The following MEA1 variants were observed in gnomAD, a reference collection of about 807,000 sequenced individuals.
MEA1 encodes the protein Male-enhanced antigen (H-Y structural gene).
MEA1 carries 22 observed loss-of-function variants against 21.4 expected under a neutral mutation model. That is an observed-to-expected ratio of 1.03 (90% confidence interval 0.73 to 1.47). MEA1 has a LOEUF of 1.47. MEA1 is among the 40% of genes most tolerant of loss of function. The probability of loss-of-function intolerance (pLI) is 0.00; values close to 1 mark genes in which losing one functional copy is unlikely to be tolerated. For missense variants in MEA1, 233 were observed against 230.5 expected (o/e 1.01, Z -0.07); for synonymous variants, 91 against 85.5 (o/e 1.06, Z -0.35).
upstream of MEA1, among the ~76,000 whole-genome samples, chr6:43,016,101 A>C (rs1762566335): frequency 6.6e-6 from 1 of 151,520 alleles, no homozygotes; most frequent in African/African-American, 2.4e-5. Context: ...GTGCCCAGCT[A>C]ATTTTTGTAT....
chr6:43,012,233 CTG>C lies in MEA1; in HGVS notation c.*235_*236del. The C allele has an allele frequency of 8.1e-7, 1 of 1,230,568 alleles. No individual in the cohort carries two copies. The allele number at this position is 1,230,568 out of a possible 1,614,324, so 76.2% of individuals were successfully genotyped here. On this transcript the variant is annotated 3_prime_UTR_variant, in exon 4 of 4. Transcript: ENST00000244711. ...GGGGCGCAGGCAGTGCGGCTTTTGG[CTG>C]TGTACATAGGGTGCTTTATTCTCCA...
In MEA1 at chr6:43,013,792, AC is replaced by A; in HGVS notation, c.21del (p.Ser8GlnfsTer10). MGPERH[L>X]SGAPARMATV... Reference sequence around the variant, plus strand: ...TAGAGGACCCCCTCTGTACCGCCTGACAGATGCCTTTCAGGCCCCATGGGCT... The same window carrying A: ...TAGAGGACCCCCTCTGTACCGCCTGAAGATGCCTTTCAGGCCCCATGGGCT... On this transcript the variant is annotated frameshift_variant, in exon 1 of 4. Transcript: ENST00000244711. LOFTEE classifies it high-confidence loss of function. 1 of 1,606,320 alleles carries A rather than the reference AC, an allele frequency of 6.2e-7. No homozygotes were observed. The highest frequency in any genetic ancestry group is 8.5e-7 in the Non-Finnish European group (1 of 1,177,240).
In MEA1 at chr6:43,012,224, G is replaced by A. The variant is rs138349932; in HGVS notation, c.*246C>T. On this transcript the variant is annotated 3_prime_UTR_variant, in exon 4 of 4. Coordinates refer to ENST00000244711, the MANE Select transcript of MEA1 (RefSeq NM_014623.4). The stretch of plus-strand genomic sequence containing the variant: ...CAGGTTCCAGGGGCGCAGGCAGTGC[G>A]GCTTTTGGCTGTGTACATAGGGTGC... 1.0e-5 allele frequency: 12 copies of A among 1,180,768 alleles called. No homozygotes were observed. In the East Asian group the frequency reaches 2.4e-4, roughly 23 times the overall value. 73.1% of individuals were successfully genotyped at this position (1,180,768 alleles called of 1,614,324 possible).
At chr6:43,013,417 G>A (rs1481066522) in intron 1 of MEA1, 28 bp from the exon 2 acceptor site, 2 of 1,605,042 alleles carry the variant, frequency 1.2e-6, no homozygotes, top group Non-Finnish European at 1.7e-6. Flanking sequence ...CGGTAGGACA[G>A]GGATCGGATG....
upstream of MEA1, chr6:43,016,851 C>T (rs989659527): frequency 2.0e-5 from 6 of 296,818 alleles, no homozygotes; most frequent in South Asian, 5.3e-5. Flanking sequence ...GGAGCCTCCA[C>T]GAGTAGGTTG....
rs1165908053 is a variant in MEA1 at position 43,013,844 on chromosome 6, G to A, written c.-31C>T. 1.5e-5 allele frequency: 24 copies of A among 1,560,174 alleles called. No individual in the cohort carries two copies. The highest frequency in any genetic ancestry group is 1.9e-5 in the Admixed American group (1 of 51,914). On this transcript the variant is annotated 5_prime_UTR_variant, in exon 1 of 4. The change creates a new upstream start codon in the 5' untranslated region. Coordinates refer to ENST00000244711, the MANE Select transcript of MEA1 (RefSeq NM_014623.4). Reference sequence around the variant, plus strand: ...CCCCTCAAATGGCCCCAGCTGCAGCGTCCCCCACCCGCCCCCATCCGAATC... The same window carrying A: ...CCCCTCAAATGGCCCCAGCTGCAGCATCCCCCACCCGCCCCCATCCGAATC...
rs767237492 is a variant in MEA1 at position 43,013,854 on chromosome 6, C to A, written c.-41G>T. The A allele has an allele frequency of 3.9e-6, 6 of 1,534,002 alleles. No homozygotes were observed. Among genetic ancestry groups the A allele is most frequent in the East Asian group, 2.4e-5 (1 of 41,762 alleles). ...GGCCCCAGCTGCAGCGTCCCCCACC[C>A]GCCCCCATCCGAATCCCGGCGCCGG... On this transcript the variant is annotated 5_prime_UTR_variant, in exon 1 of 4. Transcript: ENST00000244711.
chr6:43,012,972 C>T lies in MEA1; in HGVS notation c.360G>A (p.Glu120=). Residue 120 remains glutamate (E), a synonymous_variant, in exon 3 of 4, where the codon GAG becomes GAA. Coordinates refer to ENST00000244711, the MANE Select transcript of MEA1 (RefSeq NM_014623.4). ...TGTGGTTGTTCAACGCTGTAGCTCC[C>T]TCCTCATCTTCATCTTCACTCTCTA... ...PPLESEDEDE[E]GATALNNHSS... The T allele has an allele frequency of 6.2e-7, 1 of 1,609,214 alleles. No homozygotes were observed. Among genetic ancestry groups the T allele is most frequent in the Non-Finnish European group, 8.5e-7 (1 of 1,178,038 alleles).
At position 43,013,214 on chromosome 6, in the gene MEA1, G is replaced by A. The variant is rs150737373; in HGVS notation, c.204C>T (p.Tyr68=). The change falls in exon 2 of 4, where the codon TAC becomes TAT. Residue 68 remains tyrosine (Y), a synonymous_variant. Coordinates refer to ENST00000244711, the MANE Select transcript of MEA1 (RefSeq NM_014623.4). ...QEETGSGPAG[Y]SYQPLNQDPE... ...GATCTTGGTTCAGGGGCTGGTAGGA[G>A]TAGCCAGCTGGGCCCGACCCCGTTT... 11 of 1,614,056 alleles carry A rather than the reference G, an allele frequency of 6.8e-6. No homozygotes were observed. Among genetic ancestry groups the A allele is most frequent in the Non-Finnish European group, 9.3e-6 (11 of 1,180,034 alleles).
In MEA1 at chr6:43,013,038, C is replaced by T; in HGVS notation, c.304-10G>A. The T allele has an allele frequency of 6.2e-7, 1 of 1,614,180 alleles. No homozygotes were observed. Among genetic ancestry groups the T allele is most frequent in the Non-Finnish European group, 8.5e-7 (1 of 1,180,012 alleles). ...AATGAAGCCCCAGGGCCTGCAGAGC[C>T]ACAGAAGACCGTTTGGGTCTAGGCT... On this transcript the variant is annotated splice_polypyrimidine_tract_variant and intron_variant, in intron 2 of 3. Transcript: ENST00000244711.
upstream of MEA1, chr6:43,014,675 A>C (rs1226656995): frequency 2.2e-6 from 1 of 455,264 alleles, no homozygotes; most frequent in African/African-American, 2.0e-5. Context: ...GTCTGGAAGA[A>C]GACAGGGATA....
At chr6:43,015,908 C>T (rs1450005381), upstream of MEA1, among the ~76,000 whole-genome samples, 2 of 150,126 alleles carry the variant, frequency 1.3e-5, no homozygotes, top group Non-Finnish European at 3.0e-5. Flanking sequence ...TTTCTCTTGT[C>T]CTGCCCAAGG....
chr6:43,014,603 G>C (rs1046986250), upstream of MEA1: 1 of 457,600 alleles, frequency 2.2e-6, no homozygotes. Context: ...ATGAAAACAG[G>C]GAAGCTGAGC....
chr6:43,015,881 A>C (rs1433672747), upstream of MEA1, among the ~76,000 whole-genome samples: 2 of 145,624 alleles, frequency 1.4e-5, no homozygotes, highest in Non-Finnish European at 3.0e-5. Flanking sequence ...AAAGACCATG[A>C]CTTCTCATGC....
Position 43,011,289 on chromosome 6 carries a change from C to A in MEA1, c.*1181G>T. On this transcript the variant is annotated 3_prime_UTR_variant, in exon 4 of 4. Transcript: ENST00000244711. Reference sequence around the variant, plus strand: ...CTGCCAGCCAGGAGGCTCTCTGACCCCTCACGTTCCTACCACAGGGCCACA... The same window carrying A: ...CTGCCAGCCAGGAGGCTCTCTGACCACTCACGTTCCTACCACAGGGCCACA... 1 of 1,613,670 alleles carries A rather than the reference C, an allele frequency of 6.2e-7. No homozygotes were observed. Among genetic ancestry groups the A allele is most frequent in the Non-Finnish European group, 8.5e-7 (1 of 1,179,968 alleles).
intron 2 of MEA1, 26 bp downstream of exon 2, chr6:43,013,089 C>A (rs1762431478): frequency 6.2e-7 from 1 of 1,614,094 alleles, no homozygotes; most frequent in Non-Finnish European, 8.5e-7. Flanking sequence ...TTCACCTGTT[C>A]AGGAACCATC....
At position 43,011,295 on chromosome 6, in the gene MEA1, G is replaced by A. The variant is rs764085028; in HGVS notation, c.*1175C>T. Reference sequence around the variant, plus strand: ...GCCAGGAGGCTCTCTGACCCCTCACGTTCCTACCACAGGGCCACAGCCCAC... The same window carrying A: ...GCCAGGAGGCTCTCTGACCCCTCACATTCCTACCACAGGGCCACAGCCCAC... On this transcript the variant is annotated 3_prime_UTR_variant, in exon 4 of 4. Coordinates refer to ENST00000244711, the MANE Select transcript of MEA1 (RefSeq NM_014623.4). 6.8e-6 allele frequency: 11 copies of A among 1,613,426 alleles called. No individual in the cohort carries two copies. The highest frequency in any genetic ancestry group is 1.7e-4 in the Middle Eastern group (1 of 5,882).
upstream of MEA1, among the ~76,000 whole-genome samples, chr6:43,015,139 A>G (rs911346619): frequency 2.0e-5 from 3 of 152,202 alleles, no homozygotes; most frequent in African/African-American, 7.2e-5. Context: ...GAAGACTTCC[A>G]TTCTTAAGCC....
At position 43,013,843 on chromosome 6, in the gene MEA1, C is replaced by T; in HGVS notation, c.-30G>A. 6.4e-7 allele frequency: 1 copy of T among 1,567,390 alleles called. No homozygotes were observed. Among genetic ancestry groups the T allele is most frequent in the Non-Finnish European group, 8.6e-7 (1 of 1,158,888 alleles). On this transcript the variant is annotated 5_prime_UTR_variant, in exon 1 of 4. Coordinates refer to ENST00000244711, the MANE Select transcript of MEA1 (RefSeq NM_014623.4). The stretch of plus-strand genomic sequence containing the variant: ...TCCCCTCAAATGGCCCCAGCTGCAG[C>T]GTCCCCCACCCGCCCCCATCCGAAT...
Sources: allele counts gnomAD v4.1 joint callset (sites outside exome capture counted in the v4.1 genomes callset), GRCh38; gene constraint gnomAD v4.1.1; transcripts MANE v1.5; gene names NCBI Gene and HGNC (gene_info 2026-07-23, HGNC 2026-07-21).